The following LRRTM3 variants were observed in gnomAD, a reference collection of about 807,000 sequenced individuals.
The protein encoded by LRRTM3 is leucine rich repeat transmembrane neuronal 3, also known as leucine-rich repeat transmembrane neuronal protein 3.
In LRRTM3, 24 loss-of-function variants were observed where a neutral mutation model predicts 44.7. That is an observed-to-expected ratio of 0.54 (90% CI 0.39 to 0.76). LRRTM3 has a LOEUF of 0.76. Ranked by LOEUF, LRRTM3 falls within the 30% of genes least tolerant of loss-of-function variation. The pLI is 0.00. For synonymous variants in LRRTM3, 277 were observed against 278.7 expected (o/e 0.99, Z 0.06); for missense variants, 587 against 702.2 (o/e 0.84, Z 1.85).
intron 2 of LRRTM3, among the ~76,000 whole-genome samples, chr10:67,083,875 A>T (rs1219309433): frequency 6.6e-6 from 1 of 152,216 alleles, no homozygotes; most frequent in Admixed American, 6.5e-5. Context: ...TAAGTAATCA[A>T]AGCAAAATTT....
At chr10:67,056,314 A>G (rs1456054778) in intron 2 of LRRTM3, among the ~76,000 whole-genome samples, 1 of 152,128 alleles carries the variant, frequency 6.6e-6, no homozygotes, top group Non-Finnish European at 1.5e-5. Context: ...GGGTGAGGCA[A>G]TATTTCTCTG....
At chr10:66,994,453 C>T (rs1476652405) in intron 2 of LRRTM3, among the ~76,000 whole-genome samples, 1 of 152,166 alleles carries the variant, frequency 6.6e-6, no homozygotes, top group Non-Finnish European at 1.5e-5. Flanking sequence ...ATTCCTATTT[C>T]ATCCCTCAAT....
At chr10:67,006,740 G>A (rs2133016143) in intron 2 of LRRTM3, among the ~76,000 whole-genome samples, 1 of 152,122 alleles carries the variant, frequency 6.6e-6, no homozygotes. Context: ...ATCTTTGAAT[G>A]TTCAAATTCT....
intron 2 of LRRTM3, among the ~76,000 whole-genome samples, chr10:67,009,747 C>T (rs114180772): frequency 4.9e-4 from 74 of 152,212 alleles, no homozygotes; most frequent in African/African-American, 1.6e-3. Flanking sequence ...GTTTCTCTTG[C>T]TAGACTTTTT....
intron 2 of LRRTM3, among the ~76,000 whole-genome samples, chr10:67,003,238 A>G (rs1415562326): frequency 2.6e-5 from 4 of 152,152 alleles, no homozygotes; most frequent in Non-Finnish European, 4.4e-5. Flanking sequence ...ATATTGGGGA[A>G]TAAACGAAAT....
chr10:66,927,563 A>T lies in LRRTM3; in HGVS notation c.647A>T (p.Gln216Leu). 6.2e-7 allele frequency: 1 copy of T among 1,614,134 alleles called. No homozygotes were observed. The highest frequency in any genetic ancestry group is 8.5e-7 in the Non-Finnish European group (1 of 1,180,026). Residue 216 changes from glutamine (Q) to leucine (L), a missense_variant, in exon 2 of 3, where the codon CAA becomes CTA. Coordinates refer to ENST00000361320, the MANE Select transcript of LRRTM3 (RefSeq NM_178011.5). This position sits in a 1 kb window ranked among gnomAD's most constrained non-coding sequence, Gnocchi z 4.7. ...RLKELHLEHN[Q>L]FSKLNLALFP... ...AAAGAACTTCACCTGGAGCACAATC[A>T]ATTTTCCAAGCTCAACCTGGCCCTT...
chr10:67,070,974 A>G (rs1306103650), intron 2 of LRRTM3, among the ~76,000 whole-genome samples: 1 of 152,196 alleles, frequency 6.6e-6, no homozygotes, highest in African/African-American at 2.4e-5. Flanking sequence ...AGGAATTGCA[A>G]CATGCATTCT....
At chr10:66,963,444 C>A (rs1443906810) in intron 2 of LRRTM3, among the ~76,000 whole-genome samples, 4 of 152,134 alleles carry the variant, frequency 2.6e-5, no homozygotes. Flanking sequence ...AAAAGATGAT[C>A]CTTTCATCAT....
chr10:66,997,648 T>C (rs1023139372), intron 2 of LRRTM3, among the ~76,000 whole-genome samples: 14 of 152,190 alleles, frequency 9.2e-5, no homozygotes, highest in African/African-American at 2.7e-4. Context: ...GGACACCATC[T>C]CTCTGTTCTA....
Position 66,927,234 on chromosome 10 carries a change from T to C in LRRTM3, c.318T>C (p.Asn106=). The C allele has an allele frequency of 6.2e-7, 1 of 1,614,180 alleles. No homozygotes were observed. Among genetic ancestry groups the C allele is most frequent in the Admixed American group, 1.7e-5 (1 of 60,032 alleles). ...HISNIDENAF[N]GIRRLKELIL... ...GCAATATTGACGAAAATGCTTTTAA[T>C]GGAATACGCAGACTCAAAGAGCTGA... is the stretch of plus-strand genomic sequence containing the variant. The change falls in exon 2 of 3, where the codon AAT becomes AAC. Residue 106 remains asparagine (N), a synonymous_variant. Transcript: ENST00000361320. The surrounding 1 kb of genome is among the most constrained non-coding windows in gnomAD (Gnocchi z 4.7).
At chr10:66,958,690 C>A (rs879318324) in intron 2 of LRRTM3, among the ~76,000 whole-genome samples, 9 of 152,078 alleles carry the variant, frequency 5.9e-5, no homozygotes, top group Non-Finnish European at 1.0e-4. Flanking sequence ...GTTAAAATTC[C>A]AGCACCAGAG....
intron 2 of LRRTM3, among the ~76,000 whole-genome samples, chr10:66,931,985 G>T (rs1847425693): frequency 6.6e-6 from 1 of 152,172 alleles, no homozygotes. Context: ...GTCAGCATCA[G>T]TCATTTACTG....
chr10:67,035,499 G>C (rs1217388837), intron 2 of LRRTM3, among the ~76,000 whole-genome samples: 1 of 152,090 alleles, frequency 6.6e-6, no homozygotes, highest in Non-Finnish European at 1.5e-5. Flanking sequence ...AGAAAGTAAA[G>C]AATATAGGAG....
rs1215382008 is a variant in LRRTM3 at position 67,080,950 on chromosome 10, C to A, written c.1537-16637C>A. ...CAAAAAAACAACAAAAAAAAAAAAACAAAGAAGAGGTGAAGTAACTTACCT... is the reference window on the plus strand; with the variant it reads ...CAAAAAAACAACAAAAAAAAAAAAAAAAAGAAGAGGTGAAGTAACTTACCT... On this transcript the variant is annotated intron_variant, in intron 2 of 2. Coordinates refer to ENST00000361320, the MANE Select transcript of LRRTM3 (RefSeq NM_178011.5). 1.6e-4 allele frequency among the ~76,000 whole-genome samples: 23 copies of A among 146,678 alleles called. No homozygotes were observed. In the East Asian group the frequency reaches 1.8e-3, roughly 11 times the overall value.
intron 2 of LRRTM3, among the ~76,000 whole-genome samples, chr10:67,060,610 G>A (rs1011126575): frequency 5.9e-5 from 9 of 152,130 alleles, no homozygotes; most frequent in African/African-American, 1.9e-4. Flanking sequence ...TCTGGGTTAA[G>A]GTAGCAAAAA....
At chr10:67,064,098 C>T (rs946772828) in intron 2 of LRRTM3, among the ~76,000 whole-genome samples, 1 of 152,082 alleles carries the variant, frequency 6.6e-6, no homozygotes, top group African/African-American at 2.4e-5. Context: ...TCTAGTTAGC[C>T]CTTGAGTCAT....
intron 2 of LRRTM3, among the ~76,000 whole-genome samples, chr10:67,054,079 G>C (rs577544896): frequency 6.6e-6 from 1 of 151,992 alleles, no homozygotes; most frequent in African/African-American, 2.4e-5. Flanking sequence ...AGTATTTACC[G>C]TTTCAAAAGT....
In LRRTM3 at chr10:66,926,038, C is replaced by T. The variant is rs754874543; in HGVS notation, c.-546C>T. 2.2e-6 allele frequency: 1 copy of T among 456,932 alleles called. No homozygotes were observed. Among genetic ancestry groups the T allele is most frequent in the Admixed American group, 2.3e-5 (1 of 42,592 alleles). The allele number at this position is 456,932 out of a possible 1,614,324, so 28.3% of individuals were successfully genotyped here. On this transcript the variant is annotated 5_prime_UTR_variant, in exon 1 of 3. Transcript: ENST00000361320. ...ACTGCATTCACTGAAACCAAAGCAA[C>T]AGTCCGAGCAGCTTTCAGAATGACA...
At chr10:67,090,091 C>T (rs1057340062) in intron 2 of LRRTM3, among the ~76,000 whole-genome samples, 1 of 152,060 alleles carries the variant, frequency 6.6e-6, no homozygotes, top group Admixed American at 6.6e-5. Flanking sequence ...TCTAAGTCAA[C>T]ACAGGGATCT....
Sources: gnomAD v4.1 joint callset for allele counts (sites outside exome capture counted in the v4.1 genomes callset) on GRCh38, gnomAD v4.1.1 for gene constraint, Gnocchi (gnomAD v3.1) non-coding constraint, MANE v1.5 for transcripts, NCBI Gene and HGNC (gene_info 2026-07-23, HGNC 2026-07-21) for gene names.